Variants in FRMD6 observed in about 807,000 individuals in gnomAD.
FRMD6 encodes the protein FERM domain containing 6.
A neutral mutation model predicts 73.2 loss-of-function variants in FRMD6; 37 were observed. The observed-to-expected ratio is 0.51, with a 90% CI of 0.39 to 0.66. The LOEUF (loss-of-function observed/expected upper bound fraction) is 0.66. Among genes scored for constraint, FRMD6 ranks in the 30% least tolerant of loss-of-function variants. The pLI is 0.00. For synonymous variants in FRMD6, 273 were observed against 282.2 expected (o/e 0.97, Z 0.33); for missense variants, 714 against 780.5 (o/e 0.91, Z 1.02).
At chr14:51,615,332 T>C (rs1481864940) in intron 2 of FRMD6, among the ~76,000 whole-genome samples, 3 of 152,206 alleles carry the variant, frequency 2.0e-5, no homozygotes, top group African/African-American at 7.2e-5. Flanking sequence ...CTAATCATTA[T>C]TGTCGGAGTT....
chr14:51,435,157 A>G, the FRMD6 span, among the ~76,000 whole-genome samples: 2 of 152,238 alleles, frequency 1.3e-5, no homozygotes, highest in African/African-American at 2.4e-5. Context: ...TATTGTATCA[A>G]TGTCAATTTC....
the FRMD6 span, among the ~76,000 whole-genome samples, chr14:51,413,578 G>C: frequency 6.6e-6 from 1 of 152,268 alleles, no homozygotes; most frequent in East Asian, 1.9e-4. Flanking sequence ...ATTTGGGTTG[G>C]TTCCAAGTCT....
chr14:51,562,614 A>G (rs1333822298), intron 1 of FRMD6, among the ~76,000 whole-genome samples: 1 of 152,174 alleles, frequency 6.6e-6, no homozygotes, highest in Non-Finnish European at 1.5e-5. Flanking sequence ...CCCAAGGGCA[A>G]TTTCTATACA....
At chr14:51,599,483 T>C (rs1249566732) in intron 2 of FRMD6, among the ~76,000 whole-genome samples, 1 of 152,046 alleles carries the variant, frequency 6.6e-6, no homozygotes, top group Admixed American at 6.5e-5. Flanking sequence ...AAAACAAAAA[T>C]TGGCAAATAG....
At chr14:51,663,483 G>A (rs1297084718) in intron 1 of FRMD6, among the ~76,000 whole-genome samples, 1 of 152,170 alleles carries the variant, frequency 6.6e-6, no homozygotes, top group Non-Finnish European at 1.5e-5. Flanking sequence ...TGGAGCTGGA[G>A]GCCATTAATC....
chr14:51,685,236 G>C (rs759192572), intron 1 of FRMD6, among the ~76,000 whole-genome samples: 4 of 152,190 alleles, frequency 2.6e-5, no homozygotes, highest in Admixed American at 6.5e-5. Context: ...TGGATGGACA[G>C]ATGGAAGGAA....
At chr14:51,621,426 A>G (rs1241862357) in intron 2 of FRMD6, among the ~76,000 whole-genome samples, 2 of 152,182 alleles carry the variant, frequency 1.3e-5, no homozygotes, top group African/African-American at 2.4e-5. Flanking sequence ...GCCCAGATAT[A>G]CTTCCTTAGC....
chr14:51,420,587 G>GA, the FRMD6 span, among the ~76,000 whole-genome samples: 1 of 151,958 alleles, frequency 6.6e-6, no homozygotes, highest in Non-Finnish European at 1.5e-5. Flanking sequence ...AAAATACTTG[G>GA]AAAAAAATGG....
At chr14:51,550,587 C>CA (rs1491079768) in intron 1 of FRMD6, among the ~76,000 whole-genome samples, 18 of 147,722 alleles carry the variant, frequency 1.2e-4, no homozygotes, top group African/African-American at 3.4e-4. Context: ...GAGACCCCCC[C>CA]GCCATGCTTA....
intron 1 of FRMD6, among the ~76,000 whole-genome samples, chr14:51,654,075 C>T (rs1892636276): frequency 6.6e-6 from 1 of 152,104 alleles, no homozygotes; most frequent in Non-Finnish European, 1.5e-5. Flanking sequence ...GGAAATCTTT[C>T]CTATTTCCAG....
At position 51,658,911 on chromosome 14, in the gene FRMD6, G is replaced by T. The variant is rs538796098; in HGVS notation, c.-147+6915G>T. On this transcript the variant is annotated intron_variant, in intron 1 of 13. Transcript: ENST00000344768. ...AATTAGAGAATTTTATAAATATGTG[G>T]TATTTATATATCCTACCCGAATAAG... Among the ~76,000 whole-genome samples the T allele has an allele frequency of 3.9e-5, 6 of 152,132 alleles. No individual in the cohort carries two copies. The South Asian group carries it at 1.2e-3, about 32-fold the overall frequency.
At chr14:51,702,208 C>G (rs1295565251) in intron 4 of FRMD6, among the ~76,000 whole-genome samples, 1 of 152,006 alleles carries the variant, frequency 6.6e-6, no homozygotes, top group African/African-American at 2.4e-5. Context: ...AGCTGGGTCT[C>G]AGCTAGAAAT....
chr14:51,696,763 A>AAG (rs1895966062), intron 2 of FRMD6, among the ~76,000 whole-genome samples: 1 of 149,924 alleles, frequency 6.7e-6, no homozygotes, highest in Admixed American at 6.7e-5. Flanking sequence ...AAAAAAAAAA[A>AAG]AAGTCGATTG....
At chr14:51,553,240 G>T (rs570333770) in intron 1 of FRMD6, among the ~76,000 whole-genome samples, 1 of 152,194 alleles carries the variant, frequency 6.6e-6, no homozygotes, top group Non-Finnish European at 1.5e-5. Flanking sequence ...GATGGGAAAT[G>T]TGATTTCAGG....
In FRMD6 at chr14:51,683,020, A is replaced by G. The variant is rs917298000; in HGVS notation, c.-146-6671A>G. 6.6e-5 allele frequency among the ~76,000 whole-genome samples: 10 copies of G among 152,208 alleles called. No individual in the cohort carries two copies. The East Asian group carries it at 1.9e-3, about 29-fold the overall frequency. ...CTTCCATTCTTTGGTCAGCCAGCAC[A>G]CATTTCAACCCATACACCCATACGC... is the stretch of plus-strand genomic sequence containing the variant. On this transcript the variant is annotated intron_variant, in intron 1 of 13. Transcript: ENST00000344768.
the FRMD6 span, among the ~76,000 whole-genome samples, chr14:51,443,622 A>G: frequency 6.6e-6 from 1 of 152,224 alleles, no homozygotes; most frequent in Non-Finnish European, 1.5e-5. Context: ...GATGCACAGG[A>G]TGAGGAGTTG....
chr14:51,618,370 A>G (rs886126968), intron 2 of FRMD6, among the ~76,000 whole-genome samples: 2 of 152,192 alleles, frequency 1.3e-5, no homozygotes, highest in African/African-American at 4.8e-5. Context: ...ATCTAGACCT[A>G]TGTTAAGGAA....
intron 3 of FRMD6, among the ~76,000 whole-genome samples, chr14:51,699,867 C>T (rs1263984030): frequency 6.6e-6 from 1 of 151,990 alleles, no homozygotes; most frequent in Admixed American, 6.6e-5. Context: ...TTGTTTATTT[C>T]ATGTTTAATC....
chr14:51,535,044 A>G (rs1231002526), intron 1 of FRMD6, among the ~76,000 whole-genome samples: 1 of 152,202 alleles, frequency 6.6e-6, no homozygotes, highest in African/African-American at 2.4e-5. Flanking sequence ...AACTACTCAG[A>G]TATTTTGCAG....
Sources: gnomAD v4.1 joint callset for allele counts (sites outside exome capture counted in the v4.1 genomes callset) on GRCh38, gnomAD v4.1.1 for gene constraint, MANE v1.5 for transcripts, NCBI Gene and HGNC (gene_info 2026-07-23, HGNC 2026-07-21) for gene names.